PARD3B: variants seen among roughly 807,000 people sequenced by gnomAD.
PARD3B encodes the protein par-3 family cell polarity regulator beta, also known as partitioning defective 3 homolog B.
In PARD3B, 103 loss-of-function variants were observed where a neutral mutation model predicts 130.2. That is an observed-to-expected ratio of 0.79 (90% CI 0.67 to 0.93). The LOEUF (loss-of-function observed/expected upper bound fraction) is 0.93. PARD3B is among the 40% of genes least tolerant of loss of function. PARD3B has a pLI of 0.00. For missense variants in PARD3B, 1,609 were observed against 1,499.2 expected, an observed-to-expected ratio of 1.07 and a Z score of -1.21; for synonymous variants, 583 against 553.2, an observed-to-expected ratio of 1.05 and a Z score of -0.76.
chr2:205,069,797 C>T lies in PARD3B; in HGVS notation c.504+22107C>T, dbSNP rs560913369. On this transcript the variant is annotated intron_variant, in intron 4 of 22. Coordinates refer to ENST00000406610, the MANE Select transcript of PARD3B (RefSeq NM_001302769.2). ...ACCAGCAGCAGGCATAGTAAATTTC[C>T]ACCGTCCCAAAGATTTCCAGGTGTG... is the stretch of plus-strand genomic sequence containing the variant. 3.3e-5 allele frequency among the ~76,000 whole-genome samples: 5 copies of T among 152,204 alleles called. No homozygotes were observed. The East Asian group carries it at 9.7e-4, about 29-fold the overall frequency.
chr2:205,298,408 T>C (rs144791433), intron 16 of PARD3B, among the ~76,000 whole-genome samples: 13 of 152,334 alleles, frequency 8.5e-5, no homozygotes, highest in Non-Finnish European at 1.8e-4. Context: ...ATATAAAAAA[T>C]ATGCCTCTTT....
At chr2:205,079,677 C>A (rs924181017) in intron 4 of PARD3B, among the ~76,000 whole-genome samples, 1 of 151,960 alleles carries the variant, frequency 6.6e-6, no homozygotes, top group Admixed American at 6.6e-5. Context: ...TATAGCACCT[C>A]CTGAGAATAA....
chr2:205,140,595 A>G (rs1053720813), intron 10 of PARD3B, among the ~76,000 whole-genome samples: 3 of 151,550 alleles, frequency 2.0e-5, no homozygotes, highest in Non-Finnish European at 2.9e-5. Context: ...GCTTATACAC[A>G]GTATTCTTAG....
At chr2:205,139,521 A>G (rs1040850976) in intron 10 of PARD3B, among the ~76,000 whole-genome samples, 1 of 152,208 alleles carries the variant, frequency 6.6e-6, no homozygotes, top group Admixed American at 6.5e-5. Flanking sequence ...ATTAGGTTGC[A>G]AATAAATTAT....
At chr2:205,017,009 A>G (rs1434245232) in intron 3 of PARD3B, among the ~76,000 whole-genome samples, 1 of 152,210 alleles carries the variant, frequency 6.6e-6, no homozygotes, top group Non-Finnish European at 1.5e-5. Flanking sequence ...GGAATAATCC[A>G]TGGAAGTGTC....
intron 22 of PARD3B, among the ~76,000 whole-genome samples, chr2:205,582,581 TCTAGA>T (rs1234273838): frequency 1.3e-5 from 2 of 152,180 alleles, no homozygotes; most frequent in Non-Finnish European, 2.9e-5. Flanking sequence ...TTTTAAATTC[TCTAGA>T]CTAGATTATT....
intron 13 of PARD3B, among the ~76,000 whole-genome samples, chr2:205,184,150 G>C (rs1192953143): frequency 6.6e-6 from 1 of 152,080 alleles, no homozygotes; most frequent in Non-Finnish European, 1.5e-5. Flanking sequence ...TGTGAATCTT[G>C]TTTAAAAACA....
chr2:205,448,198 T>C lies in PARD3B; in HGVS notation c.3044+7526T>C, dbSNP rs188126514. Among the ~76,000 whole-genome samples the C allele has an allele frequency of 2.8e-3, 419 of 152,330 alleles. 3 individuals are homozygous for C. The highest frequency in any genetic ancestry group is 0.01 in the South Asian group (49 of 4,830). On this transcript the variant is annotated intron_variant, in intron 20 of 22. Transcript: ENST00000406610. ...CCTCTTGGCAGCCATTTGGGGAATG[T>C]GTACACTAAAGTCTATTGAGTTTAT...
intron 11 of PARD3B, among the ~76,000 whole-genome samples, chr2:205,171,136 A>G (rs1291118644): frequency 6.6e-6 from 1 of 152,208 alleles, no homozygotes; most frequent in Admixed American, 6.5e-5. Context: ...ACTGTTACAC[A>G]CCTGCTGTTA....
Position 205,160,014 on chromosome 2 carries a change from C to T in PARD3B, c.1620+1107C>T, listed in dbSNP as rs2034414612. 6.6e-6 allele frequency among the ~76,000 whole-genome samples: 1 copy of T among 152,206 alleles called. No individual in the cohort carries two copies. The highest frequency in any genetic ancestry group is 2.4e-5 in the African/African-American group (1 of 41,458). On this transcript the variant is annotated intron_variant, in intron 11 of 22. Transcript: ENST00000406610. This position sits in a 1 kb window ranked among gnomAD's most constrained non-coding sequence, Gnocchi z 4.0. ...GCCAAGAAGGCCCCGTTACACTCAA[C>T]AGAGCACCCCTGCACCTAGAATTCT...
chr2:204,957,770 G>A (rs1310991125), intron 2 of PARD3B, among the ~76,000 whole-genome samples: 2 of 152,080 alleles, frequency 1.3e-5, no homozygotes, highest in Non-Finnish European at 2.9e-5. Context: ...AAATTCTGCA[G>A]TTTCACTCCC....
rs779583050 is a variant in PARD3B at position 205,121,752 on chromosome 2, A to T, written c.968A>T (p.His323Leu). 6.2e-6 allele frequency: 10 copies of T among 1,614,130 alleles called. No homozygotes were observed. The South Asian group carries it at 8.8e-5, about 14-fold the overall frequency. The change falls in exon 8 of 23, where the codon CAT becomes CTT. Residue 323 changes from histidine (H) to leucine (L), a missense_variant. By Grantham distance (99) the His-to-Leu change is moderately conservative (BLOSUM62 -3). Coordinates refer to ENST00000406610, the MANE Select transcript of PARD3B (RefSeq NM_001302769.2). This position sits in a 1 kb window ranked among gnomAD's most constrained non-coding sequence, Gnocchi z 5.0. ...VLKTKVPPPV[H>L]GKSGLKTANL... Reference sequence around the variant, plus strand: ...AAAACCAAAGTGCCGCCTCCTGTCCATGGAAAATCGGGACTAAAGACAGCA... The same window carrying T: ...AAAACCAAAGTGCCGCCTCCTGTCCTTGGAAAATCGGGACTAAAGACAGCA...
intron 2 of PARD3B, among the ~76,000 whole-genome samples, chr2:204,874,822 G>T (rs1196799183): frequency 6.6e-6 from 1 of 152,086 alleles, no homozygotes; most frequent in Non-Finnish European, 1.5e-5. Flanking sequence ...GCATATAAAA[G>T]GAATCATAGT....
At chr2:204,767,122 T>C (rs2041199552) in intron 2 of PARD3B, among the ~76,000 whole-genome samples, 1 of 102,346 alleles carries the variant, frequency 9.8e-6, no homozygotes, top group Admixed American at 1.1e-4. Flanking sequence ...TAGCATTAGG[T>C]ATATCTCCCA....
chr2:204,734,819 A>T (rs1279250132), intron 2 of PARD3B, among the ~76,000 whole-genome samples: 2 of 152,056 alleles, frequency 1.3e-5, no homozygotes. Context: ...CATCGTGGTG[A>T]TGGTCACACA....
At chr2:205,586,143 T>A (rs1395565284) in intron 22 of PARD3B, among the ~76,000 whole-genome samples, 3 of 152,198 alleles carry the variant, frequency 2.0e-5, no homozygotes, top group Non-Finnish European at 4.4e-5. Context: ...TTCACATCCC[T>A]TTGTGTCCGC....
intron 2 of PARD3B, among the ~76,000 whole-genome samples, chr2:204,796,624 A>T (rs1308961922): frequency 6.6e-6 from 1 of 152,216 alleles, no homozygotes; most frequent in African/African-American, 2.4e-5. Context: ...CAGAATGAGC[A>T]TCACCAGAGA....
chr2:205,488,078 C>A (rs2049517213), intron 20 of PARD3B, among the ~76,000 whole-genome samples: 1 of 152,080 alleles, frequency 6.6e-6, no homozygotes, highest in Non-Finnish European at 1.5e-5. Context: ...CCGTCGAGTC[C>A]TTTGAGAAAA....
chr2:205,145,930 G>A (rs977976953), intron 10 of PARD3B, among the ~76,000 whole-genome samples: 1 of 151,282 alleles, frequency 6.6e-6, no homozygotes, highest in African/African-American at 2.4e-5. Flanking sequence ...ACATTGGATT[G>A]ATCCAAGTTT....
Sources: gnomAD v4.1 joint callset for allele counts (sites outside exome capture counted in the v4.1 genomes callset) on GRCh38, gnomAD v4.1.1 for gene constraint, Gnocchi (gnomAD v3.1) non-coding constraint, MANE v1.5 for transcripts, NCBI Gene and HGNC (gene_info 2026-07-23, HGNC 2026-07-21) for gene names.